Variants in WWTR1 observed in about 807,000 individuals in gnomAD.
WWTR1 encodes WW domain containing transcription regulator 1, also known as WW domain-containing transcription regulator protein 1.
WWTR1 carries 13 observed loss-of-function variants against 40.1 expected under a neutral mutation model. That is an observed-to-expected ratio of 0.32 (90% CI 0.21 to 0.52). The LOEUF (loss-of-function observed/expected upper bound fraction) is 0.52. WWTR1 is among the 20% of genes least tolerant of loss of function. WWTR1 has a pLI of 0.97. For missense variants in WWTR1, 436 were observed against 523.1 expected, an observed-to-expected ratio of 0.83 and a Z score of 1.63; for synonymous variants, 230 against 210.1, an observed-to-expected ratio of 1.09 and a Z score of -0.82.
chr3:149,537,412 A>G (rs777615966), intron 4 of WWTR1, among the ~76,000 whole-genome samples: 3 of 152,250 alleles, frequency 2.0e-5, no homozygotes, highest in Non-Finnish European at 4.4e-5. Flanking sequence ...ATTGATACAC[A>G]TGATACATAC....
intron 4 of WWTR1, among the ~76,000 whole-genome samples, chr3:149,530,995 C>T (rs1055180369): frequency 4.0e-5 from 6 of 150,986 alleles, no homozygotes; most frequent in Admixed American, 6.6e-5. Flanking sequence ...AGTGCAGTGG[C>T]GTGATCTCAG....
At chr3:149,634,498 T>G (rs1560095561) in intron 2 of WWTR1, among the ~76,000 whole-genome samples, 1 of 152,234 alleles carries the variant, frequency 6.6e-6, no homozygotes, top group Non-Finnish European at 1.5e-5. Flanking sequence ...CCCGTTTATT[T>G]ATCCTAAGGT....
chr3:149,529,565 AT>A (rs1180199372), intron 4 of WWTR1, among the ~76,000 whole-genome samples: 1 of 145,288 alleles, frequency 6.9e-6, no homozygotes, highest in African/African-American at 2.9e-5. Flanking sequence ...AAAACTGGAG[AT>A]TTTTTTGGTA....
chr3:149,613,698 C>A (rs1031117675), intron 2 of WWTR1, among the ~76,000 whole-genome samples: 5 of 152,084 alleles, frequency 3.3e-5, no homozygotes, highest in African/African-American at 1.2e-4. Flanking sequence ...CAGGCACATA[C>A]CACCATACCC....
chr3:149,633,902 G>T (rs1711678427), intron 2 of WWTR1, among the ~76,000 whole-genome samples: 1 of 152,172 alleles, frequency 6.6e-6, no homozygotes, highest in Admixed American at 6.5e-5. Context: ...CAGGAGATCA[G>T]CCCTGACAGG....
rs568446803 is a variant in WWTR1, at chr3:149,610,883, C to T, written c.432-37883G>A. On this transcript the variant is annotated intron_variant, in intron 2 of 6. Coordinates refer to ENST00000360632, the MANE Select transcript of WWTR1 (RefSeq NM_015472.6). ...ACTGTCCAGGCACAGTGGCTCACAC[C>T]TGTAATCCCAACACTTTGGGAGGCC... Among the ~76,000 whole-genome samples the T allele has an allele frequency of 3.9e-5, 6 of 152,228 alleles. No homozygotes were observed. The South Asian group carries it at 1.2e-3, about 32-fold the overall frequency.
chr3:149,676,555 GC>G (rs1299358664), intron 1 of WWTR1, among the ~76,000 whole-genome samples: 1 of 152,162 alleles, frequency 6.6e-6, no homozygotes, highest in Non-Finnish European at 1.5e-5. Context: ...TTTGCAGGGT[GC>G]TTTTACATAC....
intron 1 of WWTR1, among the ~76,000 whole-genome samples, chr3:149,676,274 A>T (rs1207749857): frequency 4.6e-5 from 7 of 151,628 alleles, no homozygotes; most frequent in African/African-American, 1.7e-4. Flanking sequence ...GAGACAAAAA[A>T]AATCTTCAGT....
chr3:149,670,676 A>AAAAAG (rs1714045772), intron 1 of WWTR1: 1 of 141,296 alleles, frequency 7.1e-6, no homozygotes, highest in Admixed American at 7.6e-5. Flanking sequence ...AAAGAAAAGA[A>AAAAAG]AATGAGGCAA....
chr3:149,607,455 C>T (rs1453645229), intron 2 of WWTR1, among the ~76,000 whole-genome samples: 1 of 152,142 alleles, frequency 6.6e-6, no homozygotes, highest in Non-Finnish European at 1.5e-5. Flanking sequence ...GCTGGGACTA[C>T]AGGCACACGC....
chr3:149,619,795 T>C (rs1740184074), intron 2 of WWTR1, among the ~76,000 whole-genome samples: 2 of 152,206 alleles, frequency 1.3e-5, no homozygotes, highest in Admixed American at 1.3e-4. Flanking sequence ...TGCCCAAAAA[T>C]GTGGTGGCCC....
chr3:149,632,431 G>A (rs1284619049), intron 2 of WWTR1, among the ~76,000 whole-genome samples: 3 of 152,056 alleles, frequency 2.0e-5, no homozygotes, highest in Non-Finnish European at 4.4e-5. Flanking sequence ...CAGTACGTCT[G>A]ATTACAAAGC....
chr3:149,564,023 G>A lies in WWTR1; in HGVS notation c.568+8841C>T, dbSNP rs147009544. Among the ~76,000 whole-genome samples, 1,199 of 152,252 alleles carry A rather than the reference G, an allele frequency of 7.9e-3. 10 individuals are homozygous for A. The highest frequency in any genetic ancestry group is 0.027 in the African/African-American group (1,131 of 41,534). On this transcript the variant is annotated intron_variant, in intron 3 of 6. Coordinates refer to ENST00000360632, the MANE Select transcript of WWTR1 (RefSeq NM_015472.6). ...CCCGCCTTGGCCTCCCAAAGCGCTGGGATTACAGGTGTGAGACACTGCACT... is the reference window on the plus strand; with the variant it reads ...CCCGCCTTGGCCTCCCAAAGCGCTGAGATTACAGGTGTGAGACACTGCACT...
At chr3:149,567,304 T>C (rs77715164) in intron 3 of WWTR1, among the ~76,000 whole-genome samples, 9,827 of 152,236 alleles carry the variant, frequency 0.065, 591 homozygotes, top group South Asian at 0.27. Context: ...TGCTGAGGAA[T>C]GGGAAAATCT....
At chr3:149,705,296 C>T (rs544072493), upstream of WWTR1, among the ~76,000 whole-genome samples, 31 of 152,134 alleles carry the variant, frequency 2.0e-4, no homozygotes, top group African/African-American at 6.0e-4. Flanking sequence ...AGATTGATAG[C>T]GCCCCCAAAA....
chr3:149,697,460 A>T (rs1715032533), intron 1 of WWTR1, among the ~76,000 whole-genome samples: 1 of 152,194 alleles, frequency 6.6e-6, no homozygotes, highest in African/African-American at 2.4e-5. Flanking sequence ...ATAAATGGAA[A>T]TATATTCCAT....
In WWTR1 at chr3:149,592,728, G is replaced by A. The variant is rs539017716; in HGVS notation, c.432-19728C>T. On this transcript the variant is annotated intron_variant, in intron 2 of 6. Transcript: ENST00000360632. ...ATACCCAGAAAGCTTTTAATCGTCC[G>A]CTGTATTTTAAAATCAGGAGCCTGT... 5.9e-5 allele frequency among the ~76,000 whole-genome samples: 9 copies of A among 152,176 alleles called. No individual in the cohort carries two copies. In the South Asian group the frequency reaches 1.2e-3, roughly 21 times the overall value.
intron 2 of WWTR1, among the ~76,000 whole-genome samples, chr3:149,629,599 A>G (rs1344345709): frequency 6.6e-6 from 1 of 152,242 alleles, no homozygotes; most frequent in Non-Finnish European, 1.5e-5. Flanking sequence ...AGTGAAGACC[A>G]AAACAAAACC....
intron 2 of WWTR1, among the ~76,000 whole-genome samples, chr3:149,593,896 C>T (rs1576585119): frequency 2.0e-5 from 3 of 152,288 alleles, no homozygotes; most frequent in African/African-American, 7.2e-5. Flanking sequence ...CTTCGTGCTT[C>T]CTTTTTCAGG....
Sources: allele counts gnomAD v4.1 joint callset (sites outside exome capture counted in the v4.1 genomes callset), GRCh38; gene constraint gnomAD v4.1.1; transcripts MANE v1.5; gene names NCBI Gene and HGNC (gene_info 2026-07-23, HGNC 2026-07-21).